The following GUCY1B1 variants were observed in gnomAD, a reference collection of about 807,000 sequenced individuals.
The protein encoded by GUCY1B1 is guanylate cyclase soluble subunit beta-1.
In GUCY1B1, 43 loss-of-function variants were observed where a neutral mutation model predicts 71.0. The ratio of observed to expected loss-of-function variants is 0.61; its 90% CI spans 0.47 to 0.78. The LOEUF (loss-of-function observed/expected upper bound fraction) is 0.78, where lower values mean the gene tolerates loss of function less well. Ranked by LOEUF, GUCY1B1 falls within the 30% of genes least tolerant of loss-of-function variation. The pLI, the probability that GUCY1B1 is intolerant of heterozygous loss-of-function variation, is 0.00. For missense variants in GUCY1B1, 535 were observed against 754.1 expected, an observed-to-expected ratio of 0.71 and a Z score of 3.40; for synonymous variants, 266 against 259.7, an observed-to-expected ratio of 1.02 and a Z score of -0.23.
At chr4:155,762,305 A>G (rs111888365) in intron 2 of GUCY1B1, among the ~76,000 whole-genome samples, 1 of 151,854 alleles carries the variant, frequency 6.6e-6, no homozygotes, top group African/African-American at 2.4e-5. Context: ...TTTAACTTTT[A>G]TAAGAAATTG....
In GUCY1B1 at chr4:155,802,085, G is replaced by T. The variant is rs1739992440; in HGVS notation, c.1176-257G>T. 1.5e-6 allele frequency: 1 copy of T among 678,062 alleles called. No homozygotes were observed. The highest frequency in any genetic ancestry group is 2.4e-6 in the Non-Finnish European group (1 of 415,954). 42.0% of individuals were successfully genotyped at this position (678,062 alleles called of 1,614,324 possible). On this transcript the variant is annotated intron_variant, in intron 9 of 13. Transcript: ENST00000264424. This position sits in a 1 kb window ranked among gnomAD's most constrained non-coding sequence, Gnocchi z 4.3. ...TCTTTTTGTTTTGTCTGTTTGCTTGGCTTATTTTGATTTGGTTTGAACTAG... is the reference window on the plus strand; with the variant it reads ...TCTTTTTGTTTTGTCTGTTTGCTTGTCTTATTTTGATTTGGTTTGAACTAG...
In GUCY1B1 at chr4:155,802,725, GT is replaced by G; in HGVS notation, c.1413+148del. On this transcript the variant is annotated intron_variant, in intron 10 of 13. Transcript: ENST00000264424. This position sits in a 1 kb window ranked among gnomAD's most constrained non-coding sequence, Gnocchi z 4.3. ...CCTCCATGTATTCACTCTTTACCAT[GT>G]TCTTAAATAATTGCCTCTTGTTATA... 1.6e-6 allele frequency: 1 copy of G among 624,460 alleles called. No individual in the cohort carries two copies. Among genetic ancestry groups the G allele is most frequent in the Admixed American group, 3.4e-5 (1 of 29,580 alleles). 38.7% of individuals were successfully genotyped at this position (624,460 alleles called of 1,614,324 possible).
chr4:155,785,878 A>G (rs966664549), intron 4 of GUCY1B1, among the ~76,000 whole-genome samples: 1 of 152,190 alleles, frequency 6.6e-6, no homozygotes, highest in Non-Finnish European at 1.5e-5. Flanking sequence ...TGTTCAATTA[A>G]CTAATAGTAA....
chr4:155,786,622 G>A (rs568123628), intron 4 of GUCY1B1, among the ~76,000 whole-genome samples: 250 of 151,408 alleles, frequency 1.7e-3, no homozygotes, highest in African/African-American at 5.6e-3. Flanking sequence ...GGCACCCACC[G>A]CCACACCCTG....
chr4:155,794,278 A>AT (rs1739389452), intron 6 of GUCY1B1, among the ~76,000 whole-genome samples, 192 bp downstream of exon 6: 2 of 152,126 alleles, frequency 1.3e-5, no homozygotes, highest in African/African-American at 2.4e-5. Flanking sequence ...TAGGACAACT[A>AT]TTTTTTTATA....
chr4:155,794,181 A>C (rs1476870943), intron 6 of GUCY1B1, 95 bp downstream of exon 6: 1 of 678,924 alleles, frequency 1.5e-6, no homozygotes, highest in Non-Finnish European at 2.6e-6. Flanking sequence ...CCCTCTGACT[A>C]TGTATTAGGT....
At chr4:155,777,452 A>G in intron 3 of GUCY1B1, 72 bp from the exon 4 acceptor site, 1 of 828,150 alleles carries the variant, frequency 1.2e-6, no homozygotes, top group Non-Finnish European at 2.1e-6. Flanking sequence ...ATAAACACTT[A>G]TCTTCATTTT....
chr4:155,759,260 GC>G, intron 1 of GUCY1B1, 117 bp downstream of exon 1: 1 of 1,012,432 alleles, frequency 9.9e-7, no homozygotes, highest in Admixed American at 2.2e-5. Context: ...CTCACTGCCG[GC>G]CACGGGAGCA....
intron 9 of GUCY1B1, among the ~76,000 whole-genome samples, chr4:155,801,653 T>A (rs1739960470): frequency 6.6e-6 from 1 of 152,170 alleles, no homozygotes; most frequent in African/African-American, 2.4e-5. Flanking sequence ...AGTCTTCCAA[T>A]CCAGAGCCCA....
chr4:155,796,809 T>G (rs1019540435), intron 8 of GUCY1B1, among the ~76,000 whole-genome samples: 3 of 152,192 alleles, frequency 2.0e-5, no homozygotes, highest in Non-Finnish European at 4.4e-5. Flanking sequence ...TTTTGGACCT[T>G]CAAAATAGGC....
At chr4:155,793,741 G>A (rs1739340557) in intron 5 of GUCY1B1, 115 bp from the exon 6 acceptor site, 1 of 607,368 alleles carries the variant, frequency 1.6e-6, no homozygotes, top group Admixed American at 2.9e-5. Flanking sequence ...TATATGTTTT[G>A]AATTTTTGTA....
In GUCY1B1 at chr4:155,783,602, G is replaced by A. The variant is rs144605476; in HGVS notation, c.297+5960G>A. On this transcript the variant is annotated intron_variant, in intron 4 of 13. Transcript: ENST00000264424. ...TAGCGCCTCTGTTCAGCCTGCCATG[G>A]GATTTTCTTCAATTCCTGTTGGCTC... Among the ~76,000 whole-genome samples the A allele has an allele frequency of 1.5e-4, 23 of 152,212 alleles. 1 individual carries two copies. The East Asian group carries it at 3.7e-3, about 24-fold the overall frequency.
At chr4:155,795,201 G>A (rs1221344178) in intron 6 of GUCY1B1, 140 bp from the exon 7 acceptor site, 5 of 521,004 alleles carry the variant, frequency 9.6e-6, no homozygotes, top group African/African-American at 1.9e-5. Context: ...TGATAGTTCA[G>A]CTAAGTTTCC....
intron 2 of GUCY1B1, chr4:155,772,790 G>A (rs1485643285): frequency 1.4e-6 from 1 of 702,276 alleles, no homozygotes; most frequent in Admixed American, 2.0e-5. Context: ...GTAAAGCCTG[G>A]GCTCTGAAAT....
intron 5 of GUCY1B1, among the ~76,000 whole-genome samples, chr4:155,790,316 C>A (rs996283414): frequency 6.6e-6 from 1 of 152,088 alleles, no homozygotes; most frequent in African/African-American, 2.4e-5. Flanking sequence ...TTCTCTTTGT[C>A]GATTTTTGTC....
rs1033906094 is a variant in GUCY1B1, at chr4:155,763,209, G to T, written c.77+3349G>T. Reference sequence around the variant, plus strand: ...TGCTTTCTTTCCATATTTTTTCTGGGTAGCAGCGGAGGGAAGCAGTTAGAG... The same window carrying T: ...TGCTTTCTTTCCATATTTTTTCTGGTTAGCAGCGGAGGGAAGCAGTTAGAG... On this transcript the variant is annotated intron_variant, in intron 2 of 13. Transcript: ENST00000264424. Among the ~76,000 whole-genome samples the T allele has an allele frequency of 1.2e-4, 18 of 151,912 alleles. 1 individual carries two copies. Among genetic ancestry groups the T allele is most frequent in the Non-Finnish European group, 2.6e-4 (18 of 67,988 alleles).
intron 9 of GUCY1B1, among the ~76,000 whole-genome samples, chr4:155,801,362 G>C (rs1217716752): frequency 2.0e-5 from 3 of 152,086 alleles, no homozygotes; most frequent in East Asian, 1.9e-4. Flanking sequence ...GTAGATATTT[G>C]GGTTTCAAGG....
chr4:155,780,371 A>G (rs1245726147), intron 4 of GUCY1B1, among the ~76,000 whole-genome samples: 1 of 152,054 alleles, frequency 6.6e-6, no homozygotes, highest in Non-Finnish European at 1.5e-5. Flanking sequence ...TGCAGGTAAA[A>G]TTACTTCTCT....
In GUCY1B1 at chr4:155,777,552, G is replaced by A. The variant is rs1219060466; in HGVS notation, c.207G>A (p.Met69Ile). 2 of 1,604,606 alleles carry A rather than the reference G, an allele frequency of 1.2e-6. No individual in the cohort carries two copies. The highest frequency in any genetic ancestry group is 1.7e-5 in the Admixed American group (1 of 60,004). Reference protein sequence around the residue: ...LNLNAGEILQMFGKMFFVFCQ... With the variant: ...LNLNAGEILQIFGKMFFVFCQ... ...TCAATGCTGGAGAAATCCTCCAAAT[G>A]TTTGGGAAGATGTTTTTCGTCTTTT... Residue 69 changes from methionine (M) to isoleucine (I), a missense_variant, in exon 4 of 14, where the codon ATG becomes ATA. Transcript: ENST00000264424.
Sources: allele counts gnomAD v4.1 joint callset (sites outside exome capture counted in the v4.1 genomes callset), GRCh38; gene constraint gnomAD v4.1.1; non-coding constraint Gnocchi (gnomAD v3.1); transcripts MANE v1.5; gene names NCBI Gene and HGNC (gene_info 2026-07-23, HGNC 2026-07-21).